Variants in CORIN observed in about 807,000 individuals in gnomAD.
CORIN encodes the protein corin, serine peptidase, also known as atrial natriuretic peptide-converting enzyme.
Under a neutral mutation model 125.3 loss-of-function variants are expected in CORIN, and 117 were observed. That is an observed-to-expected ratio of 0.93 (90% CI 0.80 to 1.09). CORIN has a LOEUF of 1.09. Ranked by LOEUF, CORIN falls within the 50% of genes least tolerant of loss-of-function variation. CORIN has a pLI of 0.00. For missense variants in CORIN, 1,253 were observed against 1,306.7 expected, an observed-to-expected ratio of 0.96 and a Z score of 0.63; for synonymous variants, 450 against 466.4, an observed-to-expected ratio of 0.96 and a Z score of 0.45.
intron 5 of CORIN, among the ~76,000 whole-genome samples, chr4:47,693,431 A>G (rs1352133690): frequency 6.6e-6 from 1 of 152,206 alleles, no homozygotes; most frequent in African/African-American, 2.4e-5. Context: ...TAAATAATTG[A>G]AAATTATGTC....
intron 10 of CORIN, among the ~76,000 whole-genome samples, chr4:47,670,427 C>T (rs768990487): frequency 6.6e-6 from 1 of 152,156 alleles, no homozygotes; most frequent in Non-Finnish European, 1.5e-5. Context: ...TAGTGATTGG[C>T]TTCTCTACCA....
chr4:47,796,463 C>A (rs1731295691), intron 2 of CORIN, among the ~76,000 whole-genome samples: 1 of 151,950 alleles, frequency 6.6e-6, no homozygotes, highest in South Asian at 2.1e-4. Context: ...TATAAAGTTT[C>A]AGTAATATAA....
chr4:47,658,468 C>G (rs1043225554), intron 12 of CORIN, among the ~76,000 whole-genome samples: 1 of 152,238 alleles, frequency 6.6e-6, no homozygotes, highest in African/African-American at 2.4e-5. Flanking sequence ...AGCCTACTTC[C>G]CACAGCTCCA....
rs1004447185 is a variant in CORIN, at chr4:47,598,396, A to C, written c.2946+1818T>G. On this transcript the variant is annotated intron_variant, in intron 21 of 21. Coordinates refer to ENST00000273857, the MANE Select transcript of CORIN (RefSeq NM_006587.4). Reference sequence around the variant, plus strand: ...TATACCCAGTACTAAATGAACTTCCACTGAACTCAGTATACACCACTGAAC... The same window carrying C: ...TATACCCAGTACTAAATGAACTTCCCCTGAACTCAGTATACACCACTGAAC... Among the ~76,000 whole-genome samples, 10 of 152,286 alleles carry C rather than the reference A, an allele frequency of 6.6e-5. No individual in the cohort carries two copies. In the East Asian group the frequency reaches 1.9e-3, roughly 29 times the overall value.
At chr4:47,772,617 T>G (rs1250226939) in intron 3 of CORIN, among the ~76,000 whole-genome samples, 1 of 152,222 alleles carries the variant, frequency 6.6e-6, no homozygotes, top group African/African-American at 2.4e-5. Context: ...GGCTACTATT[T>G]TATATTTCTG....
intron 6 of CORIN, among the ~76,000 whole-genome samples, chr4:47,687,860 T>A (rs4271984): frequency 7.2e-5 from 11 of 151,958 alleles, no homozygotes; most frequent in Admixed American, 5.9e-4. Context: ...GCTTCTTGAC[T>A]CTCTGAGTTC....
chr4:47,798,331 C>T (rs1731387740), intron 2 of CORIN, among the ~76,000 whole-genome samples: 1 of 152,122 alleles, frequency 6.6e-6, no homozygotes, highest in Admixed American at 6.6e-5. Flanking sequence ...AGGCTTTTAT[C>T]TTTTCTAATC....
intron 19 of CORIN, among the ~76,000 whole-genome samples, chr4:47,608,379 T>C (rs1001625182): frequency 2.6e-5 from 4 of 152,152 alleles, no homozygotes; most frequent in African/African-American, 2.4e-5. Context: ...GTATAGCAGC[T>C]GAAAATCTTC....
chr4:47,737,546 AATAC>A (rs1418099223), intron 5 of CORIN, among the ~76,000 whole-genome samples: 62 of 152,308 alleles, frequency 4.1e-4, no homozygotes, highest in Admixed American at 4.1e-3. Flanking sequence ...TTGTAGGCTT[AATAC>A]ATTCCAGAAC....
chr4:47,655,926 C>T (rs1242842790), intron 12 of CORIN, among the ~76,000 whole-genome samples: 5 of 150,630 alleles, frequency 3.3e-5, no homozygotes, highest in Admixed American at 3.3e-4. Context: ...GAACTAGTAC[C>T]AATTCTGCTC....
chr4:47,832,447 T>C (rs1329241545), intron 1 of CORIN, among the ~76,000 whole-genome samples: 1 of 143,066 alleles, frequency 7.0e-6, no homozygotes, highest in Admixed American at 6.9e-5. Context: ...TTTCTTTTCT[T>C]TTTTTTTTTT....
chr4:47,600,302 T>C lies in CORIN; in HGVS notation c.2858A>G (p.Glu953Gly). 6.2e-7 allele frequency: 1 copy of C among 1,613,662 alleles called. No homozygotes were observed. Among genetic ancestry groups the C allele is most frequent in the Non-Finnish European group, 8.5e-7 (1 of 1,179,754 alleles). Residue 953 changes from glutamate (E) to glycine (G), a missense_variant, in exon 21 of 22, where the codon GAA becomes GGA. By Grantham distance (98) the Glu-to-Gly change is moderately conservative (BLOSUM62 -2). Coordinates refer to ENST00000273857, the MANE Select transcript of CORIN (RefSeq NM_006587.4). ...QEGEVRIISLEHCQSYFDMKT... is the reference protein window; with the variant it reads ...QEGEVRIISLGHCQSYFDMKT... ...CATGTCAAAGTAGGACTGACAATGT[T>C]CCAGAGAAATAATGCGGACCTCTCC...
chr4:47,657,668 C>T (rs1263985839), intron 12 of CORIN, among the ~76,000 whole-genome samples: 2 of 151,942 alleles, frequency 1.3e-5, no homozygotes, highest in African/African-American at 4.8e-5. Flanking sequence ...CCTCACGAAG[C>T]TTACAATCAT....
chr4:47,806,636 G>A (rs1000326693), intron 2 of CORIN, among the ~76,000 whole-genome samples: 5 of 152,086 alleles, frequency 3.3e-5, no homozygotes, highest in African/African-American at 1.2e-4. Flanking sequence ...AACCATCCTG[G>A]AGTTCTCAGG....
At chr4:47,778,606 T>C (rs1178878895) in intron 3 of CORIN, among the ~76,000 whole-genome samples, 1 of 152,238 alleles carries the variant, frequency 6.6e-6, no homozygotes, top group Non-Finnish European at 1.5e-5. Context: ...AAGTCTTTAC[T>C]AGAATGCTGA....
At chr4:47,711,690 C>T (rs745863545) in intron 5 of CORIN, among the ~76,000 whole-genome samples, 3 of 152,172 alleles carry the variant, frequency 2.0e-5, no homozygotes, top group Non-Finnish European at 4.4e-5. Context: ...ATTTTGGGAT[C>T]TCTATTGTTA....
At chr4:47,642,188 T>A in intron 15 of CORIN, 139 bp from the exon 16 acceptor site, 1 of 797,156 alleles carries the variant, frequency 1.3e-6, no homozygotes, top group Non-Finnish European at 1.9e-6. Context: ...GTACCTACCC[T>A]GTGCAAATCA....
At chr4:47,768,624 AC>A (rs1577906636) in intron 3 of CORIN, among the ~76,000 whole-genome samples, 1 of 152,338 alleles carries the variant, frequency 6.6e-6, no homozygotes, top group East Asian at 1.9e-4. Flanking sequence ...AAGATCATTT[AC>A]CATGATCAAG....
chr4:47,689,893 T>C (rs770330892), intron 6 of CORIN, among the ~76,000 whole-genome samples: 7 of 152,106 alleles, frequency 4.6e-5, no homozygotes, highest in Non-Finnish European at 8.8e-5. Flanking sequence ...CATGCAGCCA[T>C]CCATGATGAT....
Sources: allele counts gnomAD v4.1 joint callset (sites outside exome capture counted in the v4.1 genomes callset), GRCh38; gene constraint gnomAD v4.1.1; transcripts MANE v1.5; gene names NCBI Gene and HGNC (gene_info 2026-07-23, HGNC 2026-07-21).